Variants in MITF observed in about 807,000 individuals in gnomAD.
MITF encodes melanocyte inducing transcription factor, also known as microphthalmia-associated transcription factor.
A neutral mutation model predicts 60.5 loss-of-function variants in MITF; 17 were observed. The ratio of observed to expected loss-of-function variants is 0.28; its 90% CI spans 0.19 to 0.42. MITF has a LOEUF of 0.42. Ranked by LOEUF, MITF falls within the 10% of genes least tolerant of loss-of-function variation. MITF has a pLI of 1.00. For missense variants in MITF, 622 were observed against 683.5 expected, an observed-to-expected ratio of 0.91 and a Z score of 1.00; for synonymous variants, 260 against 248.5, an observed-to-expected ratio of 1.05 and a Z score of -0.43.
chr3:69,830,194 C>T (rs1168000720), intron 1 of MITF, among the ~76,000 whole-genome samples: 1 of 152,058 alleles, frequency 6.6e-6, no homozygotes, highest in Non-Finnish European at 1.5e-5. Context: ...CCCTCAAAGT[C>T]AAAGAATCAC....
chr3:69,809,293 A>G (rs959040375), intron 1 of MITF, among the ~76,000 whole-genome samples: 19 of 152,174 alleles, frequency 1.2e-4, no homozygotes, highest in African/African-American at 4.1e-4. Context: ...GAACTGTAGC[A>G]TGATCTCAAC....
chr3:69,898,066 T>C (rs1427523292), intron 2 of MITF, among the ~76,000 whole-genome samples: 1 of 152,192 alleles, frequency 6.6e-6, no homozygotes, highest in East Asian at 1.9e-4. Context: ...AAGACACATG[T>C]TAATTAAATA....
At position 69,758,517 on chromosome 3, in the gene MITF, T is replaced by C. The variant is rs370989497; in HGVS notation, c.104+18816T>C. ...GTTCACTGAAGATGGCCTTTAGCTATCACTTTTTTAAAAGGCTTTATTTTT... is the reference window on the plus strand; with the variant it reads ...GTTCACTGAAGATGGCCTTTAGCTACCACTTTTTTAAAAGGCTTTATTTTT... On this transcript the variant is annotated intron_variant, in intron 1 of 9. Coordinates refer to ENST00000352241, the MANE Select transcript of MITF (RefSeq NM_001354604.2). 6.6e-5 allele frequency among the ~76,000 whole-genome samples: 10 copies of C among 152,326 alleles called. No individual in the cohort carries two copies. In the East Asian group the frequency reaches 1.5e-3, roughly 23 times the overall value.
At chr3:69,764,015 C>G (rs1360477149) in intron 1 of MITF, 2 of 1,144,216 alleles carry the variant, frequency 1.7e-6, no homozygotes, top group Non-Finnish European at 1.2e-6. Flanking sequence ...GGATGTCAAT[C>G]TTTATATCGT....
chr3:69,961,565 A>G (rs2066548610), intron 9 of MITF, among the ~76,000 whole-genome samples: 1 of 148,396 alleles, frequency 6.7e-6, no homozygotes, highest in African/African-American at 2.5e-5. Flanking sequence ...AAAAAAAAAG[A>G]AAAGAAAAGA....
At chr3:69,903,540 A>G (rs2065036591) in intron 2 of MITF, among the ~76,000 whole-genome samples, 3 of 152,168 alleles carry the variant, frequency 2.0e-5, no homozygotes, top group South Asian at 2.1e-4. Context: ...ATCTTAGGTC[A>G]TGAGGTAGCT....
intron 2 of MITF, among the ~76,000 whole-genome samples, chr3:69,900,522 C>G (rs2107348266): frequency 6.6e-6 from 1 of 152,256 alleles, no homozygotes; most frequent in East Asian, 1.9e-4. Context: ...CTGATTGACT[C>G]ATGAGGTGAC....
chr3:69,873,676 A>T (rs1050628484), intron 1 of MITF, among the ~76,000 whole-genome samples: 6 of 152,188 alleles, frequency 3.9e-5, no homozygotes, highest in Non-Finnish European at 5.9e-5. Context: ...GGGAAGGCTG[A>T]TTGGAGGTGA....
At chr3:69,785,452 T>A (rs2062632935) in intron 1 of MITF, among the ~76,000 whole-genome samples, 1 of 152,210 alleles carries the variant, frequency 6.6e-6, no homozygotes, top group Non-Finnish European at 1.5e-5. Flanking sequence ...GCAGGTCACA[T>A]GACCAGTAAG....
chr3:69,949,837 A>G (rs535758806), intron 6 of MITF, among the ~76,000 whole-genome samples: 2 of 152,170 alleles, frequency 1.3e-5, no homozygotes, highest in East Asian at 1.9e-4. Flanking sequence ...GCATTCTACC[A>G]TGGTGAATTT....
intron 1 of MITF, among the ~76,000 whole-genome samples, chr3:69,749,999 GGT>G (rs1382554312): frequency 6.6e-6 from 1 of 152,180 alleles, no homozygotes; most frequent in African/African-American, 2.4e-5. Context: ...AGAGTTTGAT[GGT>G]GCTTGCTTGG....
At chr3:69,961,096 AGCTT>A (rs774317379) in intron 9 of MITF, among the ~76,000 whole-genome samples, 3 of 152,240 alleles carry the variant, frequency 2.0e-5, no homozygotes, top group Non-Finnish European at 2.9e-5. Flanking sequence ...TTATAAAAGC[AGCTT>A]GTGGGCCGGG....
At chr3:69,750,157 C>G (rs1351808495) in intron 1 of MITF, among the ~76,000 whole-genome samples, 1 of 152,138 alleles carries the variant, frequency 6.6e-6, no homozygotes, top group East Asian at 1.9e-4. Context: ...TGTTACCCCT[C>G]TTTCTCACTT....
chr3:69,820,810 A>G (rs1315392880), intron 1 of MITF, among the ~76,000 whole-genome samples: 3 of 152,196 alleles, frequency 2.0e-5, no homozygotes, highest in Non-Finnish European at 1.5e-5. Flanking sequence ...ATCTTCCTGT[A>G]GATCCCTGCT....
In MITF at chr3:69,747,683, TTGAG is replaced by T. The variant is rs780297152; in HGVS notation, c.104+7988_104+7991del. ...CTCAGTCTTAAATGTTTTCCTAATG[TTGAG>T]TGAGTCAGAGATTCATGCTTGTCTT... On this transcript the variant is annotated intron_variant, in intron 1 of 9. Coordinates refer to ENST00000352241, the MANE Select transcript of MITF (RefSeq NM_001354604.2). Among the ~76,000 whole-genome samples, 27 of 152,246 alleles carry T rather than the reference TTGAG, an allele frequency of 1.8e-4. 1 individual carries two copies. The highest frequency in any genetic ancestry group is 2.4e-5 in the African/African-American group (1 of 41,462).
intron 1 of MITF, among the ~76,000 whole-genome samples, chr3:69,813,468 A>C (rs932967539): frequency 3.9e-5 from 6 of 152,320 alleles, no homozygotes; most frequent in Middle Eastern, 3.4e-3. Context: ...TTTTTGGTAG[A>C]GTTTACTGCT....
At chr3:69,854,512 GTTA>G (rs1392742904) in intron 1 of MITF, among the ~76,000 whole-genome samples, 1 of 152,120 alleles carries the variant, frequency 6.6e-6, no homozygotes, top group Non-Finnish European at 1.5e-5. Context: ...TTTTATTTGT[GTTA>G]TTTTTTATTG....
Position 69,967,758 on chromosome 3 carries a change from G to T in MITF, c.*2510G>T, listed in dbSNP as rs953185756. ...AATAGAGTGTGGATTCATTTCAGGGGCTAGCTAAGCCAAGAGGCAGTGGTT... is the reference window on the plus strand; with the variant it reads ...AATAGAGTGTGGATTCATTTCAGGGTCTAGCTAAGCCAAGAGGCAGTGGTT... On this transcript the variant is annotated 3_prime_UTR_variant, in exon 10 of 10. Coordinates refer to ENST00000352241, the MANE Select transcript of MITF (RefSeq NM_001354604.2). 1 of 232,836 alleles carries T rather than the reference G, an allele frequency of 4.3e-6. No homozygotes were observed. The highest frequency in any genetic ancestry group is 2.2e-5 in the African/African-American group (1 of 45,278). 14.4% of individuals were successfully genotyped at this position (232,836 alleles called of 1,614,324 possible).
At chr3:69,759,876 C>T (rs1334023948) in intron 1 of MITF, among the ~76,000 whole-genome samples, 2 of 152,132 alleles carry the variant, frequency 1.3e-5, no homozygotes, top group Admixed American at 6.5e-5. Context: ...CTCCTGGGTT[C>T]GTGCCATTCT....
Sources: allele counts gnomAD v4.1 joint callset (sites outside exome capture counted in the v4.1 genomes callset), GRCh38; gene constraint gnomAD v4.1.1; transcripts MANE v1.5; gene names NCBI Gene and HGNC (gene_info 2026-07-23, HGNC 2026-07-21).